Variants in LNPK observed in about 807,000 individuals in gnomAD.
The protein encoded by LNPK is endoplasmic reticulum junction formation protein lunapark.
A neutral mutation model predicts 55.2 loss-of-function variants in LNPK; 29 were observed. That is an observed-to-expected ratio of 0.53 (90% confidence interval 0.39 to 0.72). The LOEUF (loss-of-function observed/expected upper bound fraction) is 0.72. LNPK is among the 30% of genes least tolerant of loss of function. LNPK has a pLI of 0.00. For missense variants in LNPK, 467 were observed against 494.8 expected, an observed-to-expected ratio of 0.94 and a Z score of 0.53; for synonymous variants, 162 against 168.2, an observed-to-expected ratio of 0.96 and a Z score of 0.29.
intron 9 of LNPK, among the ~76,000 whole-genome samples, chr2:175,943,907 T>C (rs560404008): frequency 3.9e-5 from 6 of 152,140 alleles, no homozygotes; most frequent in African/African-American, 1.2e-4. Flanking sequence ...TCTATTACCA[T>C]TGTACTGAAG....
chr2:175,935,306 T>C (rs1684487911), intron 12 of LNPK, among the ~76,000 whole-genome samples: 1 of 152,088 alleles, frequency 6.6e-6, no homozygotes, highest in Non-Finnish European at 1.5e-5. Context: ...ATCTACATCA[T>C]TTAAAAATCA....
chr2:175,981,643 G>A (rs146890599), intron 4 of LNPK, among the ~76,000 whole-genome samples: 2 of 152,296 alleles, frequency 1.3e-5, no homozygotes, highest in African/African-American at 4.8e-5. Context: ...ACAGAATGAA[G>A]AAAGTCAGGG....
At chr2:175,956,559 A>C (rs1467647539) in intron 8 of LNPK, among the ~76,000 whole-genome samples, 1 of 152,202 alleles carries the variant, frequency 6.6e-6, no homozygotes, top group African/African-American at 2.4e-5. Flanking sequence ...TGCAGACCAC[A>C]TAAGCTCCTG....
chr2:175,949,861 A>G (rs2105572847), intron 8 of LNPK, among the ~76,000 whole-genome samples: 1 of 152,250 alleles, frequency 6.6e-6, no homozygotes, highest in South Asian at 2.1e-4. Flanking sequence ...CCAAATCTGT[A>G]TTTGTCAAAC....
Position 175,998,460 on chromosome 2 carries a change from AG to A in LNPK, c.-62-2815del, listed in dbSNP as rs1224054315. ...TCCGTCTCACAAAAAAAAAAAAAAA[AG>A]AAGAAAAGAAAAAAAAAGGCAGTAA... is the stretch of plus-strand genomic sequence containing the variant. On this transcript the variant is annotated intron_variant, in intron 1 of 12. Coordinates refer to ENST00000272748, the MANE Select transcript of LNPK (RefSeq NM_030650.3). Among the ~76,000 whole-genome samples, 17 of 150,544 alleles carry A rather than the reference AG, an allele frequency of 1.1e-4. No individual in the cohort carries two copies. In the East Asian group the frequency reaches 2.9e-3, roughly 26 times the overall value.
intron 8 of LNPK, among the ~76,000 whole-genome samples, chr2:175,959,328 T>C (rs926833679): frequency 6.6e-6 from 1 of 152,032 alleles, no homozygotes; most frequent in Non-Finnish European, 1.5e-5. Flanking sequence ...AAAAGTCGAG[T>C]TACCCACAAA....
At chr2:175,965,663 G>C (rs1296333786) in intron 6 of LNPK, among the ~76,000 whole-genome samples, 1 of 152,160 alleles carries the variant, frequency 6.6e-6, no homozygotes, top group African/African-American at 2.4e-5. Context: ...TAGGTACTTA[G>C]ATGAATGATT....
At chr2:175,938,518 T>C in intron 10 of LNPK, 135 bp from the exon 11 acceptor site, 1 of 453,230 alleles carries the variant, frequency 2.2e-6, no homozygotes, top group African/African-American at 2.0e-5. Flanking sequence ...TGAGACTTAG[T>C]AAACAACAAA....
chr2:176,002,156 C>T lies in LNPK; in HGVS notation c.-63+4G>A, dbSNP rs1323951970. The stretch of plus-strand genomic sequence containing the variant: ...CCCAACTGCCCTCGCCTTGAGCGTT[C>T]TACCTGCAAGAAGCGGGCGCAGCCC... On this transcript the variant is annotated splice_donor_region_variant and intron_variant, in intron 1 of 12. Transcript: ENST00000272748. The T allele has an allele frequency of 2.2e-6, 1 of 444,722 alleles. No homozygotes were observed. Among genetic ancestry groups the T allele is most frequent in the African/African-American group, 2.0e-5 (1 of 48,882 alleles). The allele number at this position is 444,722 out of a possible 1,614,324, so 27.5% of individuals were successfully genotyped here.
chr2:176,001,832 TG>T, intron 1 of LNPK, among the ~76,000 whole-genome samples: 1 of 152,216 alleles, frequency 6.6e-6, no homozygotes, highest in East Asian at 2.0e-4. Context: ...GCCAAAGAGC[TG>T]GGGCTCAAGC....
chr2:175,924,743 G>A lies in LNPK; in HGVS notation c.*5224C>T, dbSNP rs993707278. On this transcript the variant is annotated 3_prime_UTR_variant, in exon 13 of 13. Coordinates refer to ENST00000272748, the MANE Select transcript of LNPK (RefSeq NM_030650.3). The stretch of plus-strand genomic sequence containing the variant: ...GTTTATTTGGCTTACAGTTCTGCAG[G>A]CTGTACTAGAAGCATGGTGCCAGCC... 1 of 152,522 alleles carries A rather than the reference G, an allele frequency of 6.6e-6. No homozygotes were observed. Among genetic ancestry groups the A allele is most frequent in the East Asian group, 1.9e-4 (1 of 5,226 alleles). 9.4% of individuals were successfully genotyped at this position (152,522 alleles called of 1,614,324 possible).
At chr2:175,990,900 G>A (rs1461759271) in intron 4 of LNPK, among the ~76,000 whole-genome samples, 1 of 151,922 alleles carries the variant, frequency 6.6e-6, no homozygotes, top group Admixed American at 6.6e-5. Context: ...GACACAGTAA[G>A]GATAAGAAAG....
At chr2:175,977,042 G>A (rs953786068) in intron 5 of LNPK, among the ~76,000 whole-genome samples, 3 of 152,172 alleles carry the variant, frequency 2.0e-5, no homozygotes, top group Admixed American at 2.0e-4. Flanking sequence ...GAATAAAGGG[G>A]AGGAGCAATA....
chr2:175,977,244 C>G (rs928634604), intron 5 of LNPK, among the ~76,000 whole-genome samples: 3 of 152,180 alleles, frequency 2.0e-5, no homozygotes, highest in African/African-American at 7.2e-5. Context: ...TAGAGATGTA[C>G]TGTCTAATGT....
At position 175,979,870 on chromosome 2, in the gene LNPK, TA is replaced by T; in HGVS notation, c.258-3del. 1.3e-6 allele frequency: 2 copies of T among 1,571,412 alleles called. No homozygotes were observed. The highest frequency in any genetic ancestry group is 1.9e-5 in the Admixed American group (1 of 52,260). On this transcript the variant is annotated splice_polypyrimidine_tract_variant and splice_region_variant and intron_variant, in intron 4 of 12. Transcript: ENST00000272748. Reference sequence around the variant, plus strand: ...ATTACTGTTCTTATGCTCCAGATGCTAAAAGGGAAGCAAAATTCAGAAACAA... The same window carrying T: ...ATTACTGTTCTTATGCTCCAGATGCTAAAGGGAAGCAAAATTCAGAAACAA...
intron 2 of LNPK, among the ~76,000 whole-genome samples, chr2:175,993,904 C>G (rs1369081174): frequency 3.3e-5 from 5 of 152,060 alleles, no homozygotes; most frequent in Non-Finnish European, 1.5e-5. Flanking sequence ...AAATTACAGA[C>G]TAAAAATGGT....
At chr2:175,980,448 T>G (rs1361242562) in intron 4 of LNPK, among the ~76,000 whole-genome samples, 1 of 152,158 alleles carries the variant, frequency 6.6e-6, no homozygotes, top group Admixed American at 6.5e-5. Flanking sequence ...CTCCCAAAGA[T>G]TTTATAAGGA....
At chr2:175,951,607 A>ATATATATATATATATATATCTATC (rs972901665) in intron 8 of LNPK, among the ~76,000 whole-genome samples, 5 of 121,716 alleles carry the variant, frequency 4.1e-5, no homozygotes, top group Non-Finnish European at 7.5e-5. Context: ...ATATATATAT[A>ATATATATATATATATATATCTATC]TATCTCAGTT....
chr2:175,987,879 C>A (rs2105707389), intron 4 of LNPK, among the ~76,000 whole-genome samples: 1 of 152,238 alleles, frequency 6.6e-6, no homozygotes, highest in South Asian at 2.1e-4. Context: ...ATACTTGGAA[C>A]TTCAATATAA....
Sources: gnomAD v4.1 joint callset for allele counts (sites outside exome capture counted in the v4.1 genomes callset) on GRCh38, gnomAD v4.1.1 for gene constraint, MANE v1.5 for transcripts, NCBI Gene and HGNC (gene_info 2026-07-23, HGNC 2026-07-21) for gene names.